CDH13: variants seen among roughly 807,000 people sequenced by gnomAD.
The protein encoded by CDH13 is cadherin-13.
In CDH13, 24 loss-of-function variants were observed where a neutral mutation model predicts 63.8. That is an observed-to-expected ratio of 0.38 (90% CI 0.27 to 0.53). The LOEUF is 0.53. Ranked by LOEUF, CDH13 falls within the 20% of genes least tolerant of loss-of-function variation. The probability of loss-of-function intolerance (pLI) is 0.85; values close to 1 mark genes in which losing one functional copy is unlikely to be tolerated. For missense variants in CDH13, 1,049 were observed against 903.1 expected, an observed-to-expected ratio of 1.16 and a Z score of -2.07; for synonymous variants, 503 against 355.3, an observed-to-expected ratio of 1.42 and a Z score of -4.67.
rs570468456 is a variant in CDH13 at position 83,079,535 on chromosome 16, G to A, written c.367-45850G>A. Among the ~76,000 whole-genome samples, 130 of 152,300 alleles carry A rather than the reference G, an allele frequency of 8.5e-4. 1 individual carries two copies. Among genetic ancestry groups the A allele is most frequent in the African/African-American group, 2.8e-3 (116 of 41,572 alleles). ...ATAATATTTCCACCAAATGCAAGTA[G>A]TAATTTAGTGAAACAATGTGTGCAA... On this transcript the variant is annotated intron_variant, in intron 3 of 13. Coordinates refer to ENST00000567109, the MANE Select transcript of CDH13 (RefSeq NM_001257.5).
intron 3 of CDH13, among the ~76,000 whole-genome samples, chr16:83,072,133 T>C (rs1427683346): frequency 3.3e-5 from 5 of 152,186 alleles, no homozygotes; most frequent in Non-Finnish European, 7.4e-5. Context: ...TTTTTGGTAC[T>C]TAGTTTCTGA....
At chr16:83,403,729 G>A (rs933771269) in intron 6 of CDH13, among the ~76,000 whole-genome samples, 2 of 152,134 alleles carry the variant, frequency 1.3e-5, no homozygotes, top group Non-Finnish European at 2.9e-5. Context: ...AAGCCTGCTT[G>A]GCCCCAGGAC....
chr16:83,286,170 C>G (rs937044306), intron 5 of CDH13, among the ~76,000 whole-genome samples: 3 of 152,198 alleles, frequency 2.0e-5, no homozygotes, highest in Non-Finnish European at 2.9e-5. Context: ...ATGACTTACC[C>G]AAACACCTCA....
At chr16:83,370,622 C>G (rs2091349803) in intron 6 of CDH13, among the ~76,000 whole-genome samples, 1 of 152,138 alleles carries the variant, frequency 6.6e-6, no homozygotes, top group Non-Finnish European at 1.5e-5. Context: ...TCTTCCCACC[C>G]TCCACCCTTA....
intron 5 of CDH13, among the ~76,000 whole-genome samples, chr16:83,344,312 C>T (rs565344580): frequency 1.3e-4 from 20 of 152,202 alleles, no homozygotes; most frequent in Admixed American, 1.3e-3. Context: ...TGAAATCCTC[C>T]GAAATTGTAA....
chr16:82,694,492 G>T (rs537990287), intron 1 of CDH13, among the ~76,000 whole-genome samples: 83 of 152,238 alleles, frequency 5.5e-4, no homozygotes, highest in Non-Finnish European at 9.6e-4. Flanking sequence ...GAAGGAGGCT[G>T]TTTTATCTCA....
chr16:83,488,354 A>C (rs1489111131), intron 7 of CDH13, among the ~76,000 whole-genome samples: 1 of 152,132 alleles, frequency 6.6e-6, no homozygotes, highest in African/African-American at 2.4e-5. Context: ...TAAAAATCCT[A>C]ATTATATGTT....
At chr16:83,108,565 C>T (rs1023906341) in intron 3 of CDH13, among the ~76,000 whole-genome samples, 1 of 152,172 alleles carries the variant, frequency 6.6e-6, no homozygotes, top group Non-Finnish European at 1.5e-5. Flanking sequence ...TCCTTAGGCT[C>T]CACCCCATCC....
chr16:82,645,953 T>C (rs1431354209), intron 1 of CDH13, among the ~76,000 whole-genome samples: 1 of 152,232 alleles, frequency 6.6e-6, no homozygotes, highest in Non-Finnish European at 1.5e-5. Context: ...ATGCCTAAAC[T>C]TTTGGGGGTT....
At chr16:82,740,678 C>G (rs1049102244) in intron 1 of CDH13, among the ~76,000 whole-genome samples, 2 of 152,156 alleles carry the variant, frequency 1.3e-5, no homozygotes, top group Non-Finnish European at 2.9e-5. Context: ...CGGAAACATT[C>G]TTTTCCTGAT....
At chr16:83,311,400 G>A (rs774102004) in intron 5 of CDH13, among the ~76,000 whole-genome samples, 3 of 152,136 alleles carry the variant, frequency 2.0e-5, no homozygotes, top group Admixed American at 6.5e-5. Context: ...CATATGTAAT[G>A]TAGAGAAAAT....
chr16:82,903,457 A>G (rs907823899), intron 2 of CDH13, among the ~76,000 whole-genome samples: 4 of 152,144 alleles, frequency 2.6e-5, no homozygotes, highest in African/African-American at 9.7e-5. Flanking sequence ...TGGTCTCCAA[A>G]TTTTTATCCT....
chr16:82,847,144 C>A (rs1035024605), intron 1 of CDH13, among the ~76,000 whole-genome samples: 2 of 152,154 alleles, frequency 1.3e-5, no homozygotes, highest in Admixed American at 6.5e-5. Context: ...TGTTAAAATA[C>A]CAAGTAAAGG....
chr16:83,033,298 G>A (rs541652718), intron 3 of CDH13, among the ~76,000 whole-genome samples: 26 of 151,426 alleles, frequency 1.7e-4, no homozygotes, highest in South Asian at 6.2e-4. Flanking sequence ...AATTGTTTAC[G>A]GTTCTGTATA....
chr16:82,637,386 G>T lies in CDH13; in HGVS notation c.45+10249G>T, dbSNP rs1442391626. Reference sequence around the variant, plus strand: ...TGCTGTATGCCAGGCACTCACCTAGGTACTTTATCCTCAGAAGCTGAGGTC... The same window carrying T: ...TGCTGTATGCCAGGCACTCACCTAGTTACTTTATCCTCAGAAGCTGAGGTC... On this transcript the variant is annotated intron_variant, in intron 1 of 13. Transcript: ENST00000567109. 2.1e-5 allele frequency among the ~76,000 whole-genome samples: 3 copies of T among 145,906 alleles called. No homozygotes were observed. The East Asian group carries it at 6.1e-4, about 30-fold the overall frequency.
intron 1 of CDH13, among the ~76,000 whole-genome samples, chr16:82,858,140 G>T (rs2039778339): frequency 6.6e-6 from 1 of 152,178 alleles, no homozygotes; most frequent in South Asian, 2.1e-4. Flanking sequence ...TTCTTTAACT[G>T]CAATTTAATG....
chr16:83,751,956 C>T (rs897373856), intron 11 of CDH13, among the ~76,000 whole-genome samples: 10 of 152,162 alleles, frequency 6.6e-5, no homozygotes, highest in African/African-American at 2.4e-4. Flanking sequence ...TAGGGAGTTG[C>T]CCATGCAGAA....
At chr16:83,206,374 G>T (rs913723659) in intron 4 of CDH13, among the ~76,000 whole-genome samples, 1 of 152,164 alleles carries the variant, frequency 6.6e-6, no homozygotes, top group Non-Finnish European at 1.5e-5. Flanking sequence ...CATGTCCCCA[G>T]GCCAAGGGGC....
intron 7 of CDH13, among the ~76,000 whole-genome samples, chr16:83,587,288 C>T (rs762909364): frequency 6.6e-6 from 1 of 152,146 alleles, no homozygotes; most frequent in African/African-American, 2.4e-5. Context: ...GCTGATTAAA[C>T]GTCTGAAATT....
Sources: allele counts gnomAD v4.1 joint callset (sites outside exome capture counted in the v4.1 genomes callset), GRCh38; gene constraint gnomAD v4.1.1; transcripts MANE v1.5; gene names NCBI Gene and HGNC (gene_info 2026-07-23, HGNC 2026-07-21).